FOXO3: variants seen among roughly 807,000 people sequenced by gnomAD.
FOXO3 encodes forkhead box protein O3.
In FOXO3, 4 loss-of-function variants were observed where a neutral mutation model predicts 41.9. That is an observed-to-expected ratio of 0.10 (90% CI 0.05 to 0.22). FOXO3 has a LOEUF of 0.22. Ranked by LOEUF, FOXO3 falls within the 10% of genes least tolerant of loss-of-function variation. The pLI, the probability that FOXO3 is intolerant of heterozygous loss-of-function variation, is 1.00. For synonymous variants in FOXO3, 318 were observed against 389.3 expected, an observed-to-expected ratio of 0.82 and a Z score of 2.16; for missense variants, 534 against 906.8, an observed-to-expected ratio of 0.59 and a Z score of 5.28.
intron 2 of FOXO3, among the ~76,000 whole-genome samples, chr6:108,667,132 T>C (rs1779089455): frequency 6.6e-6 from 1 of 152,166 alleles, no homozygotes; most frequent in South Asian, 2.1e-4. Context: ...AGACCCCTAA[T>C]GGAACTCAGA....
At chr6:108,655,378 A>G (rs1778655753) in intron 1 of FOXO3, among the ~76,000 whole-genome samples, 1 of 152,238 alleles carries the variant, frequency 6.6e-6, no homozygotes, top group Non-Finnish European at 1.5e-5. Context: ...TCAATGATGG[A>G]AACTTGGACT....
intron 1 of FOXO3, among the ~76,000 whole-genome samples, chr6:108,650,036 A>G (rs1196771111): frequency 6.6e-6 from 1 of 152,182 alleles, no homozygotes; most frequent in Non-Finnish European, 1.5e-5. Context: ...CCATTAGCAA[A>G]TGAAAAACCT....
At chr6:108,652,816 A>C (rs1778582096) in intron 1 of FOXO3, among the ~76,000 whole-genome samples, 1 of 152,050 alleles carries the variant, frequency 6.6e-6, no homozygotes, top group Admixed American at 6.5e-5. Flanking sequence ...TTAGAACCAG[A>C]ATGTGTTATT....
At chr6:108,641,406 C>G (rs1778253770) in intron 1 of FOXO3, among the ~76,000 whole-genome samples, 1 of 152,080 alleles carries the variant, frequency 6.6e-6, no homozygotes, top group Non-Finnish European at 1.5e-5. Flanking sequence ...TGGTCAGCTT[C>G]TCCCCACTCA....
intron 1 of FOXO3, among the ~76,000 whole-genome samples, chr6:108,571,876 A>T (rs1480974010): frequency 6.6e-6 from 1 of 152,216 alleles, no homozygotes; most frequent in Non-Finnish European, 1.5e-5. Flanking sequence ...GATGGAGAAG[A>T]ATAAAAAGAC....
At chr6:108,612,146 T>G (rs1288697635) in intron 1 of FOXO3, among the ~76,000 whole-genome samples, 1 of 152,220 alleles carries the variant, frequency 6.6e-6, no homozygotes. Flanking sequence ...AGTGTTTATA[T>G]GTTTTAAAAT....
chr6:108,648,045 C>T (rs1778441065), intron 1 of FOXO3, among the ~76,000 whole-genome samples: 1 of 152,194 alleles, frequency 6.6e-6, no homozygotes. Flanking sequence ...ATTCACGACA[C>T]TTTACAACAG....
chr6:108,677,813 A>G (rs1770675190), intron 2 of FOXO3, among the ~76,000 whole-genome samples: 1 of 152,168 alleles, frequency 6.6e-6, no homozygotes, highest in Non-Finnish European at 1.5e-5. Context: ...TTAGCAAGCT[A>G]CGGTCTTCAC....
At chr6:108,637,986 A>C (rs1048381769) in intron 1 of FOXO3, among the ~76,000 whole-genome samples, 7 of 152,344 alleles carry the variant, frequency 4.6e-5, no homozygotes, top group African/African-American at 1.7e-4. Context: ...TTGTGAAATA[A>C]ATATACTTAG....
chr6:108,599,963 A>G (rs941603945), intron 1 of FOXO3, among the ~76,000 whole-genome samples: 1 of 152,180 alleles, frequency 6.6e-6, no homozygotes, highest in Non-Finnish European at 1.5e-5. Flanking sequence ...TATGTGAGGA[A>G]GGTCCTCTAT....
rs191260355 is a variant in FOXO3 at position 108,604,515 on chromosome 6, A to G, written c.621+42686A>G. 1.9e-3 allele frequency among the ~76,000 whole-genome samples: 284 copies of G among 152,314 alleles called. 1 individual carries two copies. The highest frequency in any genetic ancestry group is 6.8e-3 in the Middle Eastern group (2 of 294). ...GTTATATGACTTATTAGTATGTAATATTACTTCTGACACTGACATTTGTGA... is the reference window on the plus strand; with the variant it reads ...GTTATATGACTTATTAGTATGTAATGTTACTTCTGACACTGACATTTGTGA... On this transcript the variant is annotated intron_variant, in intron 1 of 2. Coordinates refer to ENST00000406360, the MANE Select transcript of FOXO3 (RefSeq NM_001455.4).
At chr6:108,565,492 T>C (rs1350919951) in intron 1 of FOXO3, among the ~76,000 whole-genome samples, 1 of 152,226 alleles carries the variant, frequency 6.6e-6, no homozygotes, top group Non-Finnish European at 1.5e-5. Flanking sequence ...AGGGCTTACC[T>C]GGTAAGGCCT....
chr6:108,667,033 T>C (rs773484244), intron 2 of FOXO3, among the ~76,000 whole-genome samples: 4 of 152,168 alleles, frequency 2.6e-5, no homozygotes, highest in Non-Finnish European at 4.4e-5. Flanking sequence ...TCTCCTATGG[T>C]GAGCTCACTC....
chr6:108,647,474 G>C (rs12202049), intron 1 of FOXO3, among the ~76,000 whole-genome samples: 14,730 of 152,216 alleles, frequency 0.097, 746 homozygotes, highest in East Asian at 0.15. Context: ...CAAATTAACA[G>C]AATTTTCTGA....
intron 2 of FOXO3, among the ~76,000 whole-genome samples, chr6:108,671,996 G>A (rs1307540206): frequency 1.3e-5 from 2 of 152,324 alleles, no homozygotes; most frequent in South Asian, 2.1e-4. Flanking sequence ...CTTAGCATGG[G>A]TACCCATCGG....
At chr6:108,560,738 A>T (rs1405513224), upstream of FOXO3, 2 of 228,144 alleles carry the variant, frequency 8.8e-6, no homozygotes, top group Non-Finnish European at 8.5e-6. Context: ...CGGCTGCGCC[A>T]GCTCCGGCCG....
chr6:108,654,305 AAATAAT>A (rs1288273961), intron 1 of FOXO3, among the ~76,000 whole-genome samples: 1 of 146,008 alleles, frequency 6.8e-6, no homozygotes, highest in African/African-American at 2.8e-5. Flanking sequence ...CTAAAAGAAA[AAATAAT>A]AATAATTAAT....
chr6:108,579,481 A>G (rs905546041), intron 1 of FOXO3, among the ~76,000 whole-genome samples: 1 of 152,234 alleles, frequency 6.6e-6, no homozygotes, highest in Non-Finnish European at 1.5e-5. Context: ...ACAGCATTCC[A>G]AATTGAACTC....
chr6:108,569,468 AGT>A (rs1776032176), intron 1 of FOXO3, among the ~76,000 whole-genome samples: 1 of 152,208 alleles, frequency 6.6e-6, no homozygotes, highest in Non-Finnish European at 1.5e-5. Context: ...GTCTGATTGG[AGT>A]GTGTTTCAAG....
Sources: allele counts gnomAD v4.1 joint callset (sites outside exome capture counted in the v4.1 genomes callset), GRCh38; gene constraint gnomAD v4.1.1; transcripts MANE v1.5; gene names NCBI Gene and HGNC (gene_info 2026-07-23, HGNC 2026-07-21).